RBPJ: variants seen among roughly 807,000 people sequenced by gnomAD.
RBPJ encodes the protein recombining binding protein suppressor of hairless.
In RBPJ, 9 loss-of-function variants were observed where a neutral mutation model predicts 67.8. That is an observed-to-expected ratio of 0.13 (90% CI 0.08 to 0.23). The LOEUF is 0.23. Among genes scored for constraint, RBPJ ranks in the 10% least tolerant of loss-of-function variants. The pLI is 1.00. For missense variants in RBPJ, 305 were observed against 595.6 expected, an observed-to-expected ratio of 0.51 and a Z score of 5.08; for synonymous variants, 198 against 203.3, an observed-to-expected ratio of 0.97 and a Z score of 0.22.
intron 1 of RBPJ, among the ~76,000 whole-genome samples, chr4:26,198,264 A>G (rs992459376): frequency 1.1e-4 from 16 of 151,716 alleles, no homozygotes; most frequent in African/African-American, 3.9e-4. Flanking sequence ...CAAAAAACAA[A>G]AAAACAAAAA....
intron 1 of RBPJ, among the ~76,000 whole-genome samples, chr4:26,183,748 G>A (rs796217439): frequency 2.8e-4 from 43 of 152,246 alleles, no homozygotes; most frequent in African/African-American, 8.7e-4. Context: ...GGTCGCTCAC[G>A]CCTGTAATCC....
chr4:26,320,394 G>C (rs998213383), upstream of RBPJ, among the ~76,000 whole-genome samples: 3 of 152,172 alleles, frequency 2.0e-5, no homozygotes, highest in Non-Finnish European at 4.4e-5. Context: ...TAGCATGGGG[G>C]GGTGTAATGA....
intron 1 of RBPJ, among the ~76,000 whole-genome samples, chr4:26,333,077 T>C (rs1368722597): frequency 6.6e-6 from 1 of 152,174 alleles, no homozygotes; most frequent in Non-Finnish European, 1.5e-5. Flanking sequence ...TGGGTCCACT[T>C]ATATGTGGAT....
At chr4:26,329,212 C>T (rs192605185) in intron 1 of RBPJ, among the ~76,000 whole-genome samples, 55 of 152,202 alleles carry the variant, frequency 3.6e-4, no homozygotes, top group African/African-American at 1.2e-3. Flanking sequence ...AGACTGGTCT[C>T]GAACTCCTGA....
chr4:26,144,907 T>G, the RBPJ span, among the ~76,000 whole-genome samples: 1 of 152,216 alleles, frequency 6.6e-6, no homozygotes, highest in Admixed American at 6.5e-5. Context: ...CACTCGAATT[T>G]ATGTCACTGT....
chr4:26,149,716 A>T, the RBPJ span, among the ~76,000 whole-genome samples: 1 of 152,172 alleles, frequency 6.6e-6, no homozygotes, highest in African/African-American at 2.4e-5. Context: ...TTGTTATTGG[A>T]CTTTCCAGAC....
At chr4:26,290,438 C>T (rs1304255868) in intron 1 of RBPJ, among the ~76,000 whole-genome samples, 1 of 150,190 alleles carries the variant, frequency 6.7e-6, no homozygotes, top group Non-Finnish European at 1.5e-5. Context: ...CATTCTTGTC[C>T]CAGTAGAGAG....
chr4:26,265,575 A>G (rs1170607093), intron 1 of RBPJ, among the ~76,000 whole-genome samples: 1 of 151,956 alleles, frequency 6.6e-6, no homozygotes, highest in Non-Finnish European at 1.5e-5. Flanking sequence ...GATGACTTCT[A>G]TTTCCTTTCA....
chr4:26,325,920 AG>A (rs1723582817), intron 1 of RBPJ, among the ~76,000 whole-genome samples: 1 of 152,230 alleles, frequency 6.6e-6, no homozygotes. Context: ...TATTTAATAC[AG>A]TATTAAATGC....
chr4:26,162,916 A>G (rs528851308), upstream of RBPJ, among the ~76,000 whole-genome samples: 15 of 151,936 alleles, frequency 9.9e-5, no homozygotes, highest in Middle Eastern at 3.4e-3. Flanking sequence ...GGTTGTCACC[A>G]GGGCTTATGT....
At chr4:26,337,847 T>G (rs2109382548) in intron 1 of RBPJ, among the ~76,000 whole-genome samples, 1 of 151,944 alleles carries the variant, frequency 6.6e-6, no homozygotes, top group South Asian at 2.1e-4. Context: ...CCACCAGGCT[T>G]GGCTAATTTT....
chr4:26,154,805 G>A, the RBPJ span, among the ~76,000 whole-genome samples: 1 of 152,228 alleles, frequency 6.6e-6, no homozygotes, highest in South Asian at 2.1e-4. Flanking sequence ...TAGCAAGGGA[G>A]GGAGCAAAAA....
At chr4:26,330,229 G>T (rs1482756677) in intron 1 of RBPJ, among the ~76,000 whole-genome samples, 1 of 152,190 alleles carries the variant, frequency 6.6e-6, no homozygotes, top group Non-Finnish European at 1.5e-5. Context: ...AAATTTATCT[G>T]TAATTGATTG....
At chr4:26,296,116 A>G (rs1297071525) in intron 1 of RBPJ, among the ~76,000 whole-genome samples, 2 of 152,150 alleles carry the variant, frequency 1.3e-5, no homozygotes, top group African/African-American at 4.8e-5. Context: ...GTTTAGAGGG[A>G]CTATTGGATT....
At chr4:26,199,156 C>T (rs1385833850) in intron 1 of RBPJ, among the ~76,000 whole-genome samples, 2 of 152,162 alleles carry the variant, frequency 1.3e-5, no homozygotes, top group African/African-American at 4.8e-5. Flanking sequence ...TTAAGAATTC[C>T]TGCCCTTGGC....
intron 1 of RBPJ, among the ~76,000 whole-genome samples, chr4:26,223,932 ATTAC>A (rs1351086774): frequency 6.6e-6 from 1 of 152,176 alleles, no homozygotes; most frequent in Non-Finnish European, 1.5e-5. Flanking sequence ...ACCTTGGCAA[ATTAC>A]TTGATTTCTC....
intron 7 of RBPJ, 196 bp from the exon 8 acceptor site, chr4:26,428,524 G>T: frequency 2.0e-6 from 1 of 492,898 alleles, no homozygotes; most frequent in Non-Finnish European, 3.6e-6. Context: ...TCTACATTCT[G>T]ACATGCTTGC....
intron 1 of RBPJ, among the ~76,000 whole-genome samples, chr4:26,304,332 T>A (rs1412592966): frequency 6.6e-6 from 1 of 152,216 alleles, no homozygotes; most frequent in African/African-American, 2.4e-5. Flanking sequence ...TGTATGGACG[T>A]GTTTTCGGTT....
chr4:26,329,642 C>A (rs2109351030), intron 1 of RBPJ, among the ~76,000 whole-genome samples: 1 of 152,200 alleles, frequency 6.6e-6, no homozygotes, highest in Non-Finnish European at 1.5e-5. Flanking sequence ...CGCTTGTAAT[C>A]CCAGCACTTT....
Sources: allele counts gnomAD v4.1 joint callset (sites outside exome capture counted in the v4.1 genomes callset), GRCh38; gene constraint gnomAD v4.1.1; transcripts MANE v1.5; gene names NCBI Gene and HGNC (gene_info 2026-07-23, HGNC 2026-07-21).